Variants in RUNX2 observed in about 807,000 individuals in gnomAD.
The protein encoded by RUNX2 is RUNX family transcription factor 2, also known as runt-related transcription factor 2.
Under a neutral mutation model 51.7 loss-of-function variants are expected in RUNX2, and 10 were observed. The ratio of observed to expected loss-of-function variants is 0.19; its 90% CI spans 0.12 to 0.33. The LOEUF (loss-of-function observed/expected upper bound fraction) is 0.33. Ranked by LOEUF, RUNX2 falls within the 10% of genes least tolerant of loss-of-function variation. RUNX2 has a pLI of 1.00. For synonymous variants in RUNX2, 276 were observed against 273.6 expected, an observed-to-expected ratio of 1.01 and a Z score of -0.09; for missense variants, 562 against 691.3, an observed-to-expected ratio of 0.81 and a Z score of 2.10.
chr6:45,352,836 T>C (rs1265154303), intron 2 of RUNX2, among the ~76,000 whole-genome samples: 1 of 152,120 alleles, frequency 6.6e-6, no homozygotes, highest in Non-Finnish European at 1.5e-5. Flanking sequence ...TATATAATTC[T>C]ATTAGTCAGA....
chr6:45,494,170 A>G, intron 6 of RUNX2, among the ~76,000 whole-genome samples: 1 of 152,168 alleles, frequency 6.6e-6, no homozygotes, highest in Non-Finnish European at 1.5e-5. Context: ...ACGTGCAGAG[A>G]GTGAGGCTCA....
chr6:45,384,943 ATCT>A (rs1366465650), intron 2 of RUNX2, among the ~76,000 whole-genome samples: 4 of 151,872 alleles, frequency 2.6e-5, no homozygotes, highest in African/African-American at 9.7e-5. Context: ...GCCTCACGTC[ATCT>A]TCCTGCCTCA....
At chr6:45,390,569 T>A (rs1262052158) in intron 2 of RUNX2, among the ~76,000 whole-genome samples, 1 of 152,212 alleles carries the variant, frequency 6.6e-6, no homozygotes, top group Non-Finnish European at 1.5e-5. Flanking sequence ...ATAACTAGTC[T>A]TGATGGTGTG....
intron 2 of RUNX2, among the ~76,000 whole-genome samples, chr6:45,399,349 C>CTTT (rs398048486): frequency 0.04 from 2,280 of 57,394 alleles, 420 homozygotes; most frequent in Non-Finnish European, 0.064. Context: ...CTTTTCTTTC[C>CTTT]TTTTTTTTTT....
At chr6:45,395,402 C>T (rs947912887) in intron 2 of RUNX2, among the ~76,000 whole-genome samples, 3 of 152,188 alleles carry the variant, frequency 2.0e-5, no homozygotes, top group African/African-American at 7.2e-5. Flanking sequence ...ATGCTCAAAT[C>T]TGGTTCTTAA....
intron 2 of RUNX2, among the ~76,000 whole-genome samples, chr6:45,342,078 G>C (rs1562985220): frequency 6.6e-6 from 1 of 152,080 alleles, no homozygotes; most frequent in Non-Finnish European, 1.5e-5. Context: ...GAAGAATTTG[G>C]CAGCAGTTAT....
chr6:45,369,022 T>C (rs1436749420), intron 2 of RUNX2, among the ~76,000 whole-genome samples: 2 of 152,186 alleles, frequency 1.3e-5, no homozygotes, highest in East Asian at 1.9e-4. Context: ...AAAAATTAAA[T>C]ACATAAAATA....
intron 6 of RUNX2, 103 bp from the exon 7 acceptor site, chr6:45,512,143 T>C (rs552219108): frequency 1.8e-6 from 2 of 1,081,166 alleles, no homozygotes; most frequent in South Asian, 2.6e-5. Context: ...CATTTTTTTT[T>C]CTCTCCCTGT....
intron 2 of RUNX2, among the ~76,000 whole-genome samples, chr6:45,383,976 G>A (rs1258674267): frequency 6.6e-6 from 1 of 152,140 alleles, no homozygotes; most frequent in East Asian, 1.9e-4. Context: ...TTTATTTTTA[G>A]CTTTTTACAG....
chr6:45,530,235 A>C lies in RUNX2; in HGVS notation c.1022-14982A>C, dbSNP rs529740994. The stretch of plus-strand genomic sequence containing the variant: ...GTCTTCCTACCACCATTTTAATAAA[A>C]AGGTTAAATCTCAAACTGCAAATTA... On this transcript the variant is annotated intron_variant, in intron 7 of 8. Transcript: ENST00000647337. Among the ~76,000 whole-genome samples the C allele has an allele frequency of 8.9e-4, 135 of 152,360 alleles. 1 individual carries two copies. Among genetic ancestry groups the C allele is most frequent in the Non-Finnish European group, 1.6e-3 (108 of 68,034 alleles).
intron 2 of RUNX2, among the ~76,000 whole-genome samples, chr6:45,401,192 A>C (rs1582073218): frequency 6.6e-6 from 1 of 152,104 alleles, no homozygotes; most frequent in African/African-American, 2.4e-5. Flanking sequence ...ACCCTGCCAA[A>C]ATTTCTGTTC....
chr6:45,548,416 GT>G lies in RUNX2; in HGVS notation c.*1116del, dbSNP rs796823443. ...TCTCCAAATATTTTAGATATAGATT[GT>G]TTTTGTGATGTATGAAGGAAATGTT... On this transcript the variant is annotated 3_prime_UTR_variant, in exon 9 of 9. Transcript: ENST00000647337. The G allele has an allele frequency of 2.5e-4, 38 of 152,722 alleles. No homozygotes were observed. The highest frequency in any genetic ancestry group is 7.7e-4 in the African/African-American group (32 of 41,578). The allele number at this position is 152,722 out of a possible 1,614,324, so 9.5% of individuals were successfully genotyped here. A position where few individuals can be genotyped will look rare whatever the true frequency, so the allele number is the denominator to read the frequency against.
At chr6:45,362,410 G>A (rs1440605174) in intron 2 of RUNX2, among the ~76,000 whole-genome samples, 1 of 152,186 alleles carries the variant, frequency 6.6e-6, no homozygotes, top group Non-Finnish European at 1.5e-5. Flanking sequence ...GCAGTAGGGA[G>A]TCACAGAATG....
At chr6:45,524,226 T>C (rs1026355144) in intron 7 of RUNX2, among the ~76,000 whole-genome samples, 2 of 152,238 alleles carry the variant, frequency 1.3e-5, no homozygotes, top group African/African-American at 4.8e-5. Context: ...TAAATTTTTT[T>C]ATATGACTCA....
At chr6:45,424,554 T>C (rs566811402) in intron 3 of RUNX2, among the ~76,000 whole-genome samples, 123 of 149,592 alleles carry the variant, frequency 8.2e-4, no homozygotes, top group African/African-American at 2.9e-3. Context: ...AAAAAAAAAG[T>C]TGGGGGAGGA....
At chr6:45,339,895 A>C (rs1258213099) in intron 2 of RUNX2, among the ~76,000 whole-genome samples, 1 of 152,178 alleles carries the variant, frequency 6.6e-6, no homozygotes, top group Non-Finnish European at 1.5e-5. Flanking sequence ...TGTACCGGGT[A>C]CTATGCTAAG....
chr6:45,447,110 A>G (rs1799023566), intron 5 of RUNX2, among the ~76,000 whole-genome samples: 1 of 152,260 alleles, frequency 6.6e-6, no homozygotes, highest in Admixed American at 6.5e-5. Context: ...CAAGTGACAT[A>G]GAATCATTTT....
intron 5 of RUNX2, among the ~76,000 whole-genome samples, chr6:45,451,828 G>A (rs550651630): frequency 6.2e-4 from 95 of 152,280 alleles, no homozygotes; most frequent in African/African-American, 2.2e-3. Flanking sequence ...TGTTTATAAA[G>A]TGCAACAAAG....
intron 2 of RUNX2, among the ~76,000 whole-genome samples, chr6:45,332,202 CT>C (rs1192419429): frequency 1.3e-5 from 2 of 151,190 alleles, no homozygotes; most frequent in Admixed American, 6.6e-5. Flanking sequence ...TGTATCACAA[CT>C]TTTTTTTTCA....
Sources: gnomAD v4.1 joint callset for allele counts (sites outside exome capture counted in the v4.1 genomes callset) on GRCh38, gnomAD v4.1.1 for gene constraint, MANE v1.5 for transcripts, NCBI Gene and HGNC (gene_info 2026-07-23, HGNC 2026-07-21) for gene names.